EYA4: variants seen among roughly 807,000 people sequenced by gnomAD.
EYA4 encodes the protein EYA transcriptional coactivator and phosphatase 4.
A neutral mutation model predicts 87.9 loss-of-function variants in EYA4; 31 were observed. The observed-to-expected ratio is 0.35, with a 90% CI of 0.27 to 0.48. The LOEUF (loss-of-function observed/expected upper bound fraction) is 0.48, where lower values mean the gene tolerates loss of function less well. Among genes scored for constraint, EYA4 ranks in the 20% least tolerant of loss-of-function variants. The pLI, the probability that EYA4 is intolerant of heterozygous loss-of-function variation, is 0.99. For missense variants in EYA4, 678 were observed against 761.4 expected (o/e 0.89, Z 1.29); for synonymous variants, 263 against 270.6 (o/e 0.97, Z 0.28).
At chr6:133,525,063 T>A in intron 18 of EYA4, 91 bp from the exon 19 acceptor site, 4 of 1,613,714 alleles carry the variant, frequency 2.5e-6, no homozygotes, top group Non-Finnish European at 3.4e-6. Flanking sequence ...GGCACTAACA[T>A]AACTTATGTT....
At chr6:133,298,214 G>A (rs1178831290) in intron 2 of EYA4, among the ~76,000 whole-genome samples, 2 of 152,120 alleles carry the variant, frequency 1.3e-5, no homozygotes, top group Admixed American at 6.5e-5. Context: ...CCCTTTTGCT[G>A]TGCTTCACTA....
At chr6:133,406,231 AAAG>A (rs1431342523) in intron 3 of EYA4, among the ~76,000 whole-genome samples, 4 of 152,206 alleles carry the variant, frequency 2.6e-5, no homozygotes, top group African/African-American at 9.6e-5. Flanking sequence ...TTCTTGCCCA[AAAG>A]AAGTTTACGA....
intron 11 of EYA4, among the ~76,000 whole-genome samples, chr6:133,469,950 T>C (rs1002618312): frequency 7.2e-5 from 11 of 151,966 alleles, no homozygotes; most frequent in Non-Finnish European, 1.6e-4. Flanking sequence ...TGTTTTCTTC[T>C]TGTAAATTTG....
At chr6:133,365,817 G>A (rs191785580) in intron 2 of EYA4, among the ~76,000 whole-genome samples, 3 of 152,170 alleles carry the variant, frequency 2.0e-5, no homozygotes, top group East Asian at 3.9e-4. Flanking sequence ...TGAGGGTGTG[G>A]TCTCTGGATT....
intron 10 of EYA4, among the ~76,000 whole-genome samples, chr6:133,467,147 A>G (rs1384463122): frequency 6.6e-6 from 1 of 152,152 alleles, no homozygotes; most frequent in Admixed American, 6.6e-5. Flanking sequence ...AAAAGACATT[A>G]TATTCCCCAG....
chr6:133,480,032 T>C (rs1017924958), intron 11 of EYA4, among the ~76,000 whole-genome samples: 3 of 152,152 alleles, frequency 2.0e-5, no homozygotes, highest in Non-Finnish European at 2.9e-5. Context: ...GTTGGAGGTA[T>C]AGGTTTATAT....
At chr6:133,456,989 T>C (rs1231483955) in intron 6 of EYA4, among the ~76,000 whole-genome samples, 1 of 152,164 alleles carries the variant, frequency 6.6e-6, no homozygotes, top group East Asian at 1.9e-4. Context: ...AACTTACCCA[T>C]TTGAATTACA....
chr6:133,391,215 TG>T (rs1787242822), intron 3 of EYA4, among the ~76,000 whole-genome samples: 1 of 46,662 alleles, frequency 2.1e-5, no homozygotes, highest in Non-Finnish European at 7.8e-5. Context: ...TTTTGGGTTT[TG>T]TTTTTGTTTT....
chr6:133,257,246 C>A (rs894354633), intron 1 of EYA4, among the ~76,000 whole-genome samples: 3 of 151,944 alleles, frequency 2.0e-5, no homozygotes, highest in African/African-American at 7.3e-5. Flanking sequence ...TGCCAGAAAC[C>A]AATGAATACG....
chr6:133,374,121 T>A (rs1379233243), intron 2 of EYA4, among the ~76,000 whole-genome samples: 1 of 152,106 alleles, frequency 6.6e-6, no homozygotes, highest in East Asian at 1.9e-4. Context: ...TTAATGTGAT[T>A]TGACATTTGG....
intron 3 of EYA4, among the ~76,000 whole-genome samples, chr6:133,398,987 G>A (rs1044591084): frequency 1.3e-5 from 2 of 152,150 alleles, no homozygotes; most frequent in African/African-American, 4.8e-5. Flanking sequence ...AAGATACAAT[G>A]TCACTACCTA....
chr6:133,287,445 G>T (rs1465995474), intron 2 of EYA4, among the ~76,000 whole-genome samples: 1 of 152,130 alleles, frequency 6.6e-6, no homozygotes, highest in Admixed American at 6.5e-5. Flanking sequence ...GTTAAGGCCT[G>T]CCTAGGACTG....
intron 3 of EYA4, among the ~76,000 whole-genome samples, chr6:133,416,304 G>A (rs2128551808): frequency 6.6e-6 from 1 of 152,286 alleles, no homozygotes; most frequent in East Asian, 1.9e-4. Flanking sequence ...TAAAAGTTTA[G>A]GAATTTAAAG....
At chr6:133,334,123 G>T (rs574309304) in intron 2 of EYA4, among the ~76,000 whole-genome samples, 3 of 152,326 alleles carry the variant, frequency 2.0e-5, no homozygotes, top group African/African-American at 7.2e-5. Flanking sequence ...CCGTGAAAAT[G>T]AGTCAGTCTT....
intron 5 of EYA4, 115 bp downstream of exon 5, chr6:133,448,294 A>G: frequency 1.3e-6 from 1 of 799,020 alleles, no homozygotes; most frequent in Non-Finnish European, 2.2e-6. Context: ...GTACTTAAAA[A>G]GGAAAAATGA....
chr6:133,269,655 AC>A (rs1776526338), intron 1 of EYA4, among the ~76,000 whole-genome samples: 1 of 152,220 alleles, frequency 6.6e-6, no homozygotes, highest in Non-Finnish European at 1.5e-5. Flanking sequence ...AGAAATTAAG[AC>A]CATGCCTACT....
At chr6:133,512,047 G>A (rs1799198002) in intron 14 of EYA4, among the ~76,000 whole-genome samples, 1 of 150,970 alleles carries the variant, frequency 6.6e-6, no homozygotes, top group African/African-American at 2.4e-5. Context: ...TTGGAATTTT[G>A]TAGCACATTT....
At chr6:133,345,298 ATT>A (rs1783109661) in intron 2 of EYA4, among the ~76,000 whole-genome samples, 1 of 152,070 alleles carries the variant, frequency 6.6e-6, no homozygotes, top group Non-Finnish European at 1.5e-5. Flanking sequence ...ATGATGAGAT[ATT>A]GAGTTTGTCA....
intron 2 of EYA4, among the ~76,000 whole-genome samples, chr6:133,327,579 CTGGAT>C (rs1326019185): frequency 6.6e-6 from 1 of 152,094 alleles, no homozygotes; most frequent in Admixed American, 6.6e-5. Context: ...CTAATGCTAA[CTGGAT>C]TGTTTTTCCC....
Sources: gnomAD v4.1 joint callset for allele counts (sites outside exome capture counted in the v4.1 genomes callset) on GRCh38, gnomAD v4.1.1 for gene constraint, MANE v1.5 for transcripts, NCBI Gene and HGNC (gene_info 2026-07-23, HGNC 2026-07-21) for gene names.